TIAM1: variants seen among roughly 807,000 people sequenced by gnomAD.
TIAM1 encodes the protein TIAM Rac1 associated GEF 1, also known as rho guanine nucleotide exchange factor TIAM1.
TIAM1 carries 65 observed loss-of-function variants against 163.5 expected under a neutral mutation model. That is an observed-to-expected ratio of 0.40 (90% CI 0.33 to 0.49). The LOEUF (loss-of-function observed/expected upper bound fraction) is 0.49. Ranked by LOEUF, TIAM1 falls within the 20% of genes least tolerant of loss-of-function variation. TIAM1 has a pLI of 0.77. For synonymous variants in TIAM1, 833 were observed against 810.1 expected (o/e 1.03, Z -0.48); for missense variants, 1,789 against 2,044.7 (o/e 0.87, Z 2.41).
chr21:31,557,921 G>A (rs896232132), intron 1 of TIAM1, among the ~76,000 whole-genome samples: 15 of 152,200 alleles, frequency 9.9e-5, no homozygotes, highest in African/African-American at 3.4e-4. Flanking sequence ...CCCGGGTGCA[G>A]GGGACCTAGA....
rs753268912 is a variant in TIAM1, at chr21:31,132,005, T to C, written c.3884-1057A>G. ...CTGGCCACTTTATGGTATTTTGTTA[T>C]AGCAGCCCAAATGGACTAAGATAGT... is the stretch of plus-strand genomic sequence containing the variant. On this transcript the variant is annotated intron_variant, in intron 23 of 27. Transcript: ENST00000541036. 7.6e-4 allele frequency among the ~76,000 whole-genome samples: 115 copies of C among 152,316 alleles called. No individual in the cohort carries two copies. The Middle Eastern group carries it at 0.014, about 18-fold the overall frequency.
intron 25 of TIAM1, 65 bp downstream of exon 25, chr21:31,130,148 A>G: frequency 6.2e-6 from 9 of 1,451,148 alleles, no homozygotes; most frequent in Non-Finnish European, 8.6e-6. Context: ...TGTGGATTCA[A>G]ACAAATAATT....
At chr21:31,519,214 A>G (rs1175479088) in intron 1 of TIAM1, among the ~76,000 whole-genome samples, 2 of 149,138 alleles carry the variant, frequency 1.3e-5, no homozygotes, top group Non-Finnish European at 3.0e-5. Context: ...CTGAGGCAGG[A>G]GAATTGCTTG....
chr21:31,558,706 C>T (rs943910950), intron 1 of TIAM1, among the ~76,000 whole-genome samples: 13 of 152,234 alleles, frequency 8.5e-5, no homozygotes, highest in Non-Finnish European at 1.0e-4. Context: ...CTCCTCCTGC[C>T]TCTCCTCCCC....
chr21:31,537,490 G>A (rs941866137), intron 1 of TIAM1, among the ~76,000 whole-genome samples: 1 of 151,260 alleles, frequency 6.6e-6, no homozygotes, highest in Non-Finnish European at 1.5e-5. Flanking sequence ...AGTGGCTCAT[G>A]CCTGTTATCC....
intron 24 of TIAM1, among the ~76,000 whole-genome samples, 167 bp from the exon 25 acceptor site, chr21:31,130,482 C>G (rs1056419963): frequency 6.6e-6 from 1 of 152,036 alleles, no homozygotes; most frequent in Non-Finnish European, 1.5e-5. Flanking sequence ...TGAGAGGCTG[C>G]GTGATAAATA....
intron 1 of TIAM1, among the ~76,000 whole-genome samples, chr21:31,487,931 A>G (rs2046332773): frequency 6.6e-6 from 1 of 152,078 alleles, no homozygotes; most frequent in African/African-American, 2.4e-5. Flanking sequence ...GGCTCAAGTG[A>G]TCCGTCCGCC....
At chr21:31,306,267 G>C (rs1394275697) in intron 2 of TIAM1, among the ~76,000 whole-genome samples, 10 of 151,550 alleles carry the variant, frequency 6.6e-5, no homozygotes, top group Non-Finnish European at 1.5e-4. Context: ...TTGGATGAAA[G>C]AGCAAGACCC....
At chr21:31,486,190 T>C (rs985429174) in intron 1 of TIAM1, among the ~76,000 whole-genome samples, 4 of 152,136 alleles carry the variant, frequency 2.6e-5, no homozygotes, top group Non-Finnish European at 5.9e-5. Flanking sequence ...AGCGTCCCTT[T>C]AGGAGGAATG....
Position 31,275,126 on chromosome 21 carries a change from TA to T in TIAM1, c.-12+1605del, listed in dbSNP as rs199540397. 6.0e-3 allele frequency among the ~76,000 whole-genome samples: 818 copies of T among 135,792 alleles called. 1 individual carries two copies. The highest frequency in any genetic ancestry group is 9.0e-3 in the African/African-American group (326 of 36,412). 89.1% of individuals were successfully genotyped at this position (135,792 alleles called of 152,430 possible). On this transcript the variant is annotated intron_variant, in intron 3 of 27. Coordinates refer to ENST00000541036, the MANE Select transcript of TIAM1 (RefSeq NM_001353694.2). Reference sequence around the variant, plus strand: ...GACAGAGCAAAATGCTGTCTCAAGTTAAAAAAAAAAAAAAAGAATATTAATA... The same window carrying T: ...GACAGAGCAAAATGCTGTCTCAAGTTAAAAAAAAAAAAAAGAATATTAATA...
chr21:31,317,718 T>C (rs2075175633), intron 2 of TIAM1, among the ~76,000 whole-genome samples: 1 of 151,894 alleles, frequency 6.6e-6, no homozygotes, highest in African/African-American at 2.4e-5. Flanking sequence ...AGGCAGAGGG[T>C]GTAGTGAGCC....
chr21:31,425,730 T>G (rs1471829609), intron 2 of TIAM1, among the ~76,000 whole-genome samples: 1 of 150,308 alleles, frequency 6.7e-6, no homozygotes, highest in Non-Finnish European at 1.5e-5. Flanking sequence ...AGAGTCTCGC[T>G]CTGTCGCCCA....
At chr21:31,433,377 T>C (rs571161040) in intron 2 of TIAM1, among the ~76,000 whole-genome samples, 17 of 152,318 alleles carry the variant, frequency 1.1e-4, no homozygotes, top group East Asian at 7.7e-4. Context: ...GGTGATTAGG[T>C]TGAGCAAACT....
intron 15 of TIAM1, among the ~76,000 whole-genome samples, chr21:31,168,151 G>A (rs1232349737): frequency 2.0e-5 from 3 of 151,186 alleles, no homozygotes; most frequent in Admixed American, 6.6e-5. Flanking sequence ...GGAGTGCAGT[G>A]GTGTGATCTC....
rs139544313 is a variant in TIAM1 at position 31,259,262 on chromosome 21, C to T, written c.963+6748G>A. Among the ~76,000 whole-genome samples the T allele has an allele frequency of 1.3e-3, 191 of 151,616 alleles. 1 individual carries two copies. The highest frequency in any genetic ancestry group is 4.9e-3 in the East Asian group (25 of 5,134). ...AGCATCCTCTCACCTCAGCCCACTA[C>T]GAAACTGAGACTACAGGCACACACC... On this transcript the variant is annotated intron_variant, in intron 4 of 27. Coordinates refer to ENST00000541036, the MANE Select transcript of TIAM1 (RefSeq NM_001353694.2).
chr21:31,422,728 A>G (rs2147262012), intron 2 of TIAM1, among the ~76,000 whole-genome samples: 1 of 152,266 alleles, frequency 6.6e-6, no homozygotes, highest in East Asian at 1.9e-4. Flanking sequence ...CCTCTCATGA[A>G]CACATTGAGT....
intron 1 of TIAM1, among the ~76,000 whole-genome samples, chr21:31,484,989 G>C (rs2046226661): frequency 6.6e-6 from 1 of 152,184 alleles, no homozygotes; most frequent in Admixed American, 6.5e-5. Flanking sequence ...CTACGAACCA[G>C]GAAGCAGGTC....
In TIAM1 at chr21:31,339,300, T is replaced by C. The variant is rs182125100; in HGVS notation, c.-246A>G. 824 of 398,652 alleles carry C rather than the reference T, an allele frequency of 2.1e-3. 12 individuals carry two copies. The highest frequency in any genetic ancestry group is 1.1e-3 in the South Asian group (9 of 7,854). 24.7% of individuals were successfully genotyped at this position (398,652 alleles called of 1,614,324 possible). ...CTCCAAATGGGCCATCTGCAGGGACTGCTCACATACTAGGTGAGAGACTAG... is the reference window on the plus strand; with the variant it reads ...CTCCAAATGGGCCATCTGCAGGGACCGCTCACATACTAGGTGAGAGACTAG... On this transcript the variant is annotated 5_prime_UTR_variant, in exon 2 of 28. Coordinates refer to ENST00000541036, the MANE Select transcript of TIAM1 (RefSeq NM_001353694.2).
intron 2 of TIAM1, among the ~76,000 whole-genome samples, chr21:31,396,555 A>G (rs1351856009): frequency 6.7e-6 from 1 of 149,324 alleles, no homozygotes; most frequent in Non-Finnish European, 1.5e-5. Flanking sequence ...TAATAATAAT[A>G]AATGTAAAAT....
Sources: allele counts gnomAD v4.1 joint callset (sites outside exome capture counted in the v4.1 genomes callset), GRCh38; gene constraint gnomAD v4.1.1; transcripts MANE v1.5; gene names NCBI Gene and HGNC (gene_info 2026-07-23, HGNC 2026-07-21).